The following DICER1 variants were observed in gnomAD, a reference collection of about 807,000 sequenced individuals.
DICER1 encodes endoribonuclease Dicer.
A neutral mutation model predicts 194.1 loss-of-function variants in DICER1; 43 were observed. The observed-to-expected ratio is 0.22, with a 90% CI of 0.17 to 0.29. The LOEUF (loss-of-function observed/expected upper bound fraction) is 0.29. Ranked by LOEUF, DICER1 falls within the 10% of genes least tolerant of loss-of-function variation. The probability of loss-of-function intolerance (pLI) is 1.00; values close to 1 mark genes in which losing one functional copy is unlikely to be tolerated. For synonymous variants in DICER1, 832 were observed against 820.5 expected (o/e 1.01, Z -0.24); for missense variants, 1,608 against 2,317.0 (o/e 0.69, Z 6.28).
At chr14:95,118,379 T>C (rs1892671081) in intron 8 of DICER1, among the ~76,000 whole-genome samples, 1 of 152,212 alleles carries the variant, frequency 6.6e-6, no homozygotes, top group Non-Finnish European at 1.5e-5. Context: ...TTGTATCCTC[T>C]CAATCCCTGA....
rs1250903139 is a variant in DICER1, at chr14:95,103,666, C to G, written c.3730G>C (p.Asp1244His). The change falls in exon 21 of 27, where the codon GAT (aspartate) becomes CAT (histidine). Residue 1244 changes from aspartate (D) to histidine (H), a missense_variant. Coordinates refer to ENST00000343455, the MANE Select transcript of DICER1 (RefSeq NM_177438.3). ...GAGGTAGATTTGTTAGCATTTCCAT[C>G]AAGGTATTTATTACTCAGGAGAGTA... Reference protein sequence around the residue: ...ECTLLSNKYLDGNANKSTSDG... With the variant: ...ECTLLSNKYLHGNANKSTSDG... 1 of 1,614,180 alleles carries G rather than the reference C, an allele frequency of 6.2e-7. No homozygotes were observed. Among genetic ancestry groups the G allele is most frequent in the Non-Finnish European group, 8.5e-7 (1 of 1,180,030 alleles).
intron 22 of DICER1, among the ~76,000 whole-genome samples, chr14:95,099,433 A>ATCCT (rs1890657046): frequency 2.0e-5 from 3 of 152,222 alleles, no homozygotes; most frequent in Non-Finnish European, 2.9e-5. Flanking sequence ...TTCACTGAAC[A>ATCCT]GAGCTAAGGA....
chr14:95,096,544 C>T lies in DICER1; in HGVS notation c.4376G>A (p.Gly1459Glu), dbSNP rs1043584252. The T allele has an allele frequency of 4.3e-6, 7 of 1,613,852 alleles. No individual in the cohort carries two copies. Among genetic ancestry groups the T allele is most frequent in the Middle Eastern group, 1.7e-4 (1 of 6,060 alleles). Residue 1459 changes from glycine (G) to glutamate (E), a missense_variant, in exon 23 of 27, where the codon GGG (glycine) becomes GAG (glutamate). Transcript: ENST00000343455. ...GATTTTCTTTACAAAAGCTCCTGAC[C>T]CCATTAACATATTATCTATAAATCT... ...HIRFIDNMLM[G>E]SGAFVKKISL... is the part of the protein sequence containing the mutation.
chr14:95,111,218 G>A (rs1891923744), intron 14 of DICER1, 99 bp downstream of exon 14: 2 of 1,408,464 alleles, frequency 1.4e-6, no homozygotes, highest in African/African-American at 2.8e-5. Flanking sequence ...CAAACTGTAA[G>A]GGTGTGGGAA....
intron 1 of DICER1, among the ~76,000 whole-genome samples, chr14:95,148,966 A>T (rs117102967): frequency 2.8e-5 from 4 of 143,852 alleles, no homozygotes; most frequent in Non-Finnish European, 5.9e-5. Context: ...ACAGGGTCTC[A>T]CTCTGTCTAT....
At chr14:95,153,680 A>T (rs756932825) in intron 1 of DICER1, among the ~76,000 whole-genome samples, 10 of 152,168 alleles carry the variant, frequency 6.6e-5, no homozygotes, top group Non-Finnish European at 1.0e-4. Context: ...CTGCCTCCAC[A>T]TTCTATACTA....
chr14:95,090,706 T>C (rs754066379), intron 26 of DICER1, 43 bp from the exon 27 acceptor site: 1 of 1,607,750 alleles, frequency 6.2e-7, no homozygotes, highest in South Asian at 1.1e-5. Context: ...TCAGAAGTAT[T>C]TATTATCATT....
At position 95,124,165 on chromosome 14, in the gene DICER1, T is replaced by G. The variant is rs1183779813; in HGVS notation, c.1376+31A>C. Reference sequence around the variant, plus strand: ...CACAACACAGGACGCCTCCCTGTTCTCATGTGAAAGGAGTCAACTTACAGA... The same window carrying G: ...CACAACACAGGACGCCTCCCTGTTCGCATGTGAAAGGAGTCAACTTACAGA... On this transcript the variant is annotated intron_variant, in intron 8 of 26. Transcript: ENST00000343455. The surrounding 1 kb of genome is among the most constrained non-coding windows in gnomAD (Gnocchi z 4.5). 6.5e-7 allele frequency: 1 copy of G among 1,538,458 alleles called. No homozygotes were observed. Among genetic ancestry groups the G allele is most frequent in the Admixed American group, 1.7e-5 (1 of 59,896 alleles).
intron 1 of DICER1, among the ~76,000 whole-genome samples, chr14:95,156,550 G>A (rs1895880715): frequency 6.6e-6 from 1 of 152,230 alleles, no homozygotes; most frequent in Admixed American, 6.5e-5. Context: ...ACAATCTACA[G>A]AAATCTGATG....
In DICER1 at chr14:95,130,144, A is replaced by T. The variant is rs1274642595; in HGVS notation, c.487T>A (p.Tyr163Asn). The T allele has an allele frequency of 6.2e-7, 1 of 1,613,386 alleles. No homozygotes were observed. Among genetic ancestry groups the T allele is most frequent in the Non-Finnish European group, 8.5e-7 (1 of 1,179,594 alleles). The change falls in exon 5 of 27, where the codon TAC becomes AAC. Residue 163 changes from tyrosine to asparagine, a missense_variant. Tyr to Asn is a moderately radical substitution (Grantham distance 143, BLOSUM62 -2). Coordinates refer to ENST00000343455, the MANE Select transcript of DICER1 (RefSeq NM_177438.3). ...YVALNVLKNG[Y>N]LSLSDINLLV... ...AGGTTAATGTCTGACAGTGATAAGT[A>T]ACCATTTTTCAAAACATTCAAGGCG... is the stretch of plus-strand genomic sequence containing the variant.
chr14:95,089,361 A>G lies in DICER1; in HGVS notation c.*1137T>C, dbSNP rs539005376. 4.3e-6 allele frequency: 1 copy of G among 233,104 alleles called. No homozygotes were observed. The highest frequency in any genetic ancestry group is 6.1e-5 in the East Asian group (1 of 16,526). 14.4% of individuals were successfully genotyped at this position (233,104 alleles called of 1,614,324 possible). ...TTGGTAGGTGAAATATGCATGCAAC[A>G]TTATGAAAAGTATAGTAAGAAATTT... On this transcript the variant is annotated 3_prime_UTR_variant, in exon 27 of 27. Transcript: ENST00000343455.
At position 95,090,612 on chromosome 14, in the gene DICER1, T is replaced by C. The variant is rs1361058486; in HGVS notation, c.5655A>G (p.Val1885=). 2 of 1,614,088 alleles carry C rather than the reference T, an allele frequency of 1.2e-6. No homozygotes were observed. The highest frequency in any genetic ancestry group is 1.7e-6 in the Non-Finnish European group (2 of 1,180,038). ...CAACACCTTTAAATTTCCCCTTTCC[T>C]ACTACTTCCACAGTGACTCTGACCT... is the stretch of plus-strand genomic sequence containing the variant. ...DGKVRVTVEV[V]GKGKFKGVGR... is the part of the protein sequence containing the mutation. The change falls in exon 27 of 27, where the codon GTA becomes GTG. Residue 1885 remains valine, a synonymous_variant. Transcript: ENST00000343455.
chr14:95,133,597 A>G, intron 1 of DICER1, 94 bp from the exon 2 acceptor site: 1 of 957,608 alleles, frequency 1.0e-6, no homozygotes, highest in South Asian at 1.5e-5. Context: ...TATCATTCCT[A>G]TGAGCCATTC....
intron 1 of DICER1, among the ~76,000 whole-genome samples, chr14:95,150,452 C>T (rs1425634064): frequency 6.6e-6 from 1 of 152,168 alleles, no homozygotes; most frequent in African/African-American, 2.4e-5. Flanking sequence ...CGCCACTGCA[C>T]CCCAGCCTGA....
intron 7 of DICER1, among the ~76,000 whole-genome samples, chr14:95,125,388 T>G (rs73331519): frequency 0.032 from 4,898 of 150,744 alleles, 297 homozygotes; most frequent in African/African-American, 0.11. Context: ...AACATTAACA[T>G]CTCAGCTAAA....
Position 95,139,367 on chromosome 14 carries a change from C to CAGA in DICER1, c.-45-5867_-45-5865dup, listed in dbSNP as rs1894678596. Among the ~76,000 whole-genome samples, 12 of 152,228 alleles carry CAGA rather than the reference C, an allele frequency of 7.9e-5. 1 individual carries two copies. The highest frequency in any genetic ancestry group is 7.8e-4 in the Admixed American group (12 of 15,288). The stretch of plus-strand genomic sequence containing the variant: ...ACCCTTACCTGTATTACCCACTGTA[C>CAGA]AGAACCACATCCAGGACATGGTAAA... On this transcript the variant is annotated intron_variant, in intron 1 of 26. Transcript: ENST00000343455.
chr14:95,129,708 A>G, intron 5 of DICER1, 76 bp from the exon 6 acceptor site: 1 of 1,345,974 alleles, frequency 7.4e-7, no homozygotes, highest in Middle Eastern at 1.8e-4. Context: ...GCCATATTAA[A>G]ACATATCAAA....
chr14:95,125,100 T>C (rs1209659826), intron 7 of DICER1, among the ~76,000 whole-genome samples: 1 of 152,248 alleles, frequency 6.6e-6, no homozygotes, highest in African/African-American at 2.4e-5. Flanking sequence ...TTTTCCACTA[T>C]ACTGACTAGA....
chr14:95,131,480 A>T, intron 4 of DICER1, 29 bp downstream of exon 4: 1 of 1,606,892 alleles, frequency 6.2e-7, no homozygotes, highest in Non-Finnish European at 8.5e-7. Flanking sequence ...GTAGGGATTT[A>T]TAAAGTGAAA....
Sources: gnomAD v4.1 joint callset for allele counts (sites outside exome capture counted in the v4.1 genomes callset) on GRCh38, gnomAD v4.1.1 for gene constraint, Gnocchi (gnomAD v3.1) non-coding constraint, MANE v1.5 for transcripts, NCBI Gene and HGNC (gene_info 2026-07-23, HGNC 2026-07-21) for gene names.